The following KCNN2 variants were observed in gnomAD, a reference collection of about 807,000 sequenced individuals.
KCNN2 encodes the protein potassium calcium-activated channel subfamily N member 2.
A neutral mutation model predicts 55.5 loss-of-function variants in KCNN2; 24 were observed. The observed-to-expected ratio is 0.43, with a 90% CI of 0.31 to 0.61. The LOEUF (loss-of-function observed/expected upper bound fraction) is 0.61, where lower values mean the gene tolerates loss of function less well. Ranked by LOEUF, KCNN2 falls within the 20% of genes least tolerant of loss-of-function variation. KCNN2 has a pLI of 0.08. For missense variants in KCNN2, 754 were observed against 853.6 expected (o/e 0.88, Z 1.45); for synonymous variants, 431 against 336.1 (o/e 1.28, Z -3.09).
At chr5:114,306,719 G>A (rs1448437228) in intron 2 of KCNN2, among the ~76,000 whole-genome samples, 1 of 42,376 alleles carries the variant, frequency 2.4e-5, no homozygotes, top group Non-Finnish European at 5.3e-5. Flanking sequence ...TTTTTTTTTT[G>A]AGACCAAGTC....
chr5:114,202,068 G>C (rs1048274594), intron 1 of KCNN2, among the ~76,000 whole-genome samples: 2 of 152,064 alleles, frequency 1.3e-5, no homozygotes, highest in Admixed American at 6.5e-5. Context: ...GGATGTGTGG[G>C]GGCACCTGTT....
chr5:114,487,001 A>C, intron 5 of KCNN2, 49 bp from the exon 6 acceptor site: 1 of 1,606,752 alleles, frequency 6.2e-7, no homozygotes, highest in Non-Finnish European at 8.5e-7. Flanking sequence ...AAAGTTACAA[A>C]GGATTCTGCT....
chr5:114,088,202 T>C (rs1436054852), intron 1 of KCNN2, among the ~76,000 whole-genome samples: 1 of 152,206 alleles, frequency 6.6e-6, no homozygotes, highest in African/African-American at 2.4e-5. Context: ...CATTTATTGT[T>C]TTATGGCTGG....
At chr5:114,414,634 C>T (rs1759250354) in intron 3 of KCNN2, among the ~76,000 whole-genome samples, 1 of 152,026 alleles carries the variant, frequency 6.6e-6, no homozygotes, top group Admixed American at 6.6e-5. Flanking sequence ...CTAAAAAAGG[C>T]CCAGGCATCA....
intron 2 of KCNN2, among the ~76,000 whole-genome samples, chr5:114,371,716 A>G (rs184083500): frequency 6.6e-6 from 1 of 152,272 alleles, no homozygotes; most frequent in Admixed American, 6.5e-5. Context: ...CTCCTAGTTA[A>G]ATAGTCCAAT....
At chr5:114,466,815 C>T (rs2150119117) in intron 4 of KCNN2, among the ~76,000 whole-genome samples, 1 of 152,228 alleles carries the variant, frequency 6.6e-6, no homozygotes, top group East Asian at 1.9e-4. Flanking sequence ...TTGACAACAT[C>T]TAGCATGACT....
At chr5:114,219,290 C>G (rs941058902) in intron 1 of KCNN2, among the ~76,000 whole-genome samples, 2 of 152,222 alleles carry the variant, frequency 1.3e-5, no homozygotes, top group African/African-American at 4.8e-5. Context: ...CCAGCAAGGA[C>G]AAAGGGTCAG....
chr5:114,476,478 A>AGGCT (rs944748379), intron 5 of KCNN2, among the ~76,000 whole-genome samples: 3 of 145,656 alleles, frequency 2.1e-5, no homozygotes, highest in African/African-American at 7.7e-5. Context: ...CTTGTTGCCC[A>AGGCT]GGCTGCAGTA....
intron 1 of KCNN2, among the ~76,000 whole-genome samples, chr5:114,175,917 C>T (rs760315333): frequency 2.0e-5 from 3 of 152,144 alleles, no homozygotes; most frequent in African/African-American, 7.2e-5. Flanking sequence ...CTCCTGAAAA[C>T]AGTAAATTTC....
intron 3 of KCNN2, among the ~76,000 whole-genome samples, chr5:114,454,515 C>T (rs1276201774): frequency 6.6e-6 from 1 of 152,108 alleles, no homozygotes; most frequent in Non-Finnish European, 1.5e-5. Context: ...GAGAAGTTGT[C>T]CTGTTTCTCC....
intron 1 of KCNN2, among the ~76,000 whole-genome samples, chr5:114,071,662 T>G (rs9326909): frequency 6.6e-6 from 1 of 152,172 alleles, no homozygotes; most frequent in East Asian, 1.9e-4. Context: ...AAAAAGTGAA[T>G]GAATGTATAC....
At chr5:114,065,722 T>G (rs1561460604) in intron 1 of KCNN2, among the ~76,000 whole-genome samples, 1 of 152,148 alleles carries the variant, frequency 6.6e-6, no homozygotes, top group African/African-American at 2.4e-5. Context: ...GGTTCTTATT[T>G]TACTATTTTA....
At chr5:114,087,358 A>G (rs1751038161) in intron 1 of KCNN2, among the ~76,000 whole-genome samples, 1 of 152,124 alleles carries the variant, frequency 6.6e-6, no homozygotes, top group Non-Finnish European at 1.5e-5. Flanking sequence ...CCCAAGGCTC[A>G]TGTTCAGAAT....
In KCNN2 at chr5:114,134,462, T is replaced by TTGATTGATTGATTGATTG. The variant is rs780804439; in HGVS notation, c.-271+77962_-271+77963insTGATTGATTGATTGATTG. ...TTAACTTTGCAATCCAACCATGATTTATTTATTTATTTATTTATTTATTTA... is the reference window on the plus strand; with the variant it reads ...TTAACTTTGCAATCCAACCATGATTTTGATTGATTGATTGATTGATTTATTTATTTATTTATTTATTTA... On this transcript the variant is annotated intron_variant, in intron 1 of 10. Coordinates refer to the KCNN2 transcript ENST00000512097. 4.2e-3 allele frequency among the ~76,000 whole-genome samples: 245 copies of TTGATTGATTGATTGATTG among 58,732 alleles called. 2 individuals carry two copies. The highest frequency in any genetic ancestry group is 0.011 in the African/African-American group (243 of 21,286). The allele number at this position is 58,732 out of a possible 152,430, so 38.5% of individuals were successfully genotyped here. A position where few individuals can be genotyped will look rare whatever the true frequency, so the allele number is the denominator to read the frequency against.
intron 2 of KCNN2, among the ~76,000 whole-genome samples, chr5:114,242,244 G>A (rs1291258532): frequency 6.6e-6 from 1 of 152,040 alleles, no homozygotes; most frequent in African/African-American, 2.4e-5. Flanking sequence ...CAGAACAAAG[G>A]CAGTCAGTGC....
At chr5:114,375,684 A>G (rs993259701) in intron 2 of KCNN2, among the ~76,000 whole-genome samples, 5 of 151,942 alleles carry the variant, frequency 3.3e-5, no homozygotes, top group African/African-American at 1.2e-4. Context: ...ATTTTACTTC[A>G]TCAGTAGGAT....
At chr5:114,397,083 C>G (rs1333819897) in intron 2 of KCNN2, among the ~76,000 whole-genome samples, 3 of 152,180 alleles carry the variant, frequency 2.0e-5, no homozygotes, top group Non-Finnish European at 4.4e-5. Flanking sequence ...TGCAGTATTC[C>G]ATAGTGTACA....
chr5:114,450,572 T>G lies in KCNN2; in HGVS notation c.1638-12477T>G, dbSNP rs185070597. Among the ~76,000 whole-genome samples the G allele has an allele frequency of 8.9e-3, 1,359 of 152,348 alleles. 12 individuals carry two copies. Among genetic ancestry groups the G allele is most frequent in the South Asian group, 0.034 (164 of 4,826 alleles). On this transcript the variant is annotated intron_variant, in intron 3 of 7. Transcript: ENST00000673685. ...TCAGGGGCTTGAGAATATAATTCTC[T>G]TCAGGCGTTTTTGCCAAATTCCAAG...
chr5:114,425,093 T>A (rs1261795915), intron 3 of KCNN2, among the ~76,000 whole-genome samples: 1 of 152,150 alleles, frequency 6.6e-6, no homozygotes, highest in Non-Finnish European at 1.5e-5. Context: ...AAGTTATGTA[T>A]GAAAGGCAAG....
Sources: allele counts gnomAD v4.1 joint callset (sites outside exome capture counted in the v4.1 genomes callset), GRCh38; gene constraint gnomAD v4.1.1; transcripts MANE v1.5; gene names NCBI Gene and HGNC (gene_info 2026-07-23, HGNC 2026-07-21).